Variants in SH3D21 observed in about 807,000 individuals in gnomAD.
SH3D21 encodes the protein manchette microtubule inner protein 1.
SH3D21 carries 83 observed loss-of-function variants against 82.1 expected under a neutral mutation model. That is an observed-to-expected ratio of 1.01 (90% CI 0.85 to 1.21). The LOEUF (loss-of-function observed/expected upper bound fraction) is 1.21, where lower values mean the gene tolerates loss of function less well. SH3D21 is among the 50% of genes most tolerant of loss of function. The pLI is 0.00. For synonymous variants in SH3D21, 383 were observed against 387.8 expected (o/e 0.99, Z 0.15); for missense variants, 980 against 962.1 (o/e 1.02, Z -0.25).
chr1:36,317,019 T>G (rs1373058182), intron 10 of SH3D21, among the ~76,000 whole-genome samples: 2 of 152,146 alleles, frequency 1.3e-5, no homozygotes, highest in African/African-American at 4.8e-5. Context: ...TTAAGTCCAA[T>G]GGTGCCTCAA....
Position 36,309,535 on chromosome 1 carries a change from C to A in SH3D21, c.727-13C>A, listed in dbSNP as rs761818390. The A allele has an allele frequency of 3.9e-6, 6 of 1,551,346 alleles. No individual in the cohort carries two copies. The highest frequency in any genetic ancestry group is 5.2e-6 in the Non-Finnish European group (6 of 1,146,858). ...GATTAAGGATGCTCAACCTTTACTT[C>A]TTTTCGGCATAGATCAAGAAGCTGG... is the stretch of plus-strand genomic sequence containing the variant. On this transcript the variant is annotated splice_polypyrimidine_tract_variant and intron_variant, in intron 9 of 15. Coordinates refer to ENST00000453908, the MANE Select transcript of SH3D21 (RefSeq NM_001162530.2).
At position 36,309,603 on chromosome 1, in the gene SH3D21, G is replaced by C. The variant is rs1646197779; in HGVS notation, c.769+13G>C. 6.4e-7 allele frequency: 1 copy of C among 1,551,492 alleles called. No homozygotes were observed. The highest frequency in any genetic ancestry group is 1.4e-5 in the African/African-American group (1 of 73,042). The stretch of plus-strand genomic sequence containing the variant: ...TCTCGGGAATCAGGTGAGTGCCCGG[G>C]GAGCCTGGGATTGGGGGGTGTTCTC... On this transcript the variant is annotated intron_variant, in intron 10 of 15. Coordinates refer to ENST00000453908, the MANE Select transcript of SH3D21 (RefSeq NM_001162530.2).
chr1:36,306,529 G>C lies in SH3D21; in HGVS notation c.5-69G>C. On this transcript the variant is annotated intron_variant, in intron 1 of 15. Transcript: ENST00000453908. The surrounding 1 kb of genome is among the most constrained non-coding windows in gnomAD (Gnocchi z 4.5). Reference sequence around the variant, plus strand: ...TGCCCTCTACGGTGCTTGGGGACACGCCCGCCCTAGCCAGGCTGCCCGGCT... The same window carrying C: ...TGCCCTCTACGGTGCTTGGGGACACCCCCGCCCTAGCCAGGCTGCCCGGCT... 1 of 1,302,728 alleles carries C rather than the reference G, an allele frequency of 7.7e-7. No individual in the cohort carries two copies. Among genetic ancestry groups the C allele is most frequent in the Non-Finnish European group, 1.0e-6 (1 of 987,970 alleles). 80.7% of individuals were successfully genotyped at this position (1,302,728 alleles called of 1,614,324 possible). A position where few individuals can be genotyped will look rare whatever the true frequency, so the allele number is the denominator to read the frequency against.
In SH3D21 at chr1:36,320,064, C is replaced by A. The variant is rs1400967633; in HGVS notation, c.1401C>A (p.Val467=). 3.7e-6 allele frequency: 6 copies of A among 1,614,066 alleles called. No homozygotes were observed. Among genetic ancestry groups the A allele is most frequent in the East Asian group, 2.2e-5 (1 of 44,878 alleles). ...PALEAPPMDK[V]PNPKMAPLGD... The stretch of plus-strand genomic sequence containing the variant: ...TAGAAGCCCCACCTATGGATAAAGT[C>A]CCTAATCCAAAGATGGCCCCTCTGG... Residue 467 remains valine, a synonymous_variant, in exon 14 of 16, where the codon GTC becomes GTA. Transcript: ENST00000453908.
chr1:36,327,600 T>A (rs547230403), downstream of SH3D21: 178 of 1,100,008 alleles, frequency 1.6e-4, no homozygotes, highest in Non-Finnish European at 2.0e-4. Flanking sequence ...ATGTGACATA[T>A]GTGTTTGGAG....
intron 10 of SH3D21, among the ~76,000 whole-genome samples, chr1:36,315,858 TAA>T: frequency 6.6e-6 from 1 of 152,374 alleles, no homozygotes; most frequent in South Asian, 2.1e-4. Flanking sequence ...CCTGTACCAG[TAA>T]CATAAGCAAT....
downstream of SH3D21, chr1:36,323,349 T>G: frequency 3.1e-6 from 1 of 323,464 alleles, no homozygotes; most frequent in Non-Finnish European, 5.7e-6. Flanking sequence ...GGATGGAGGA[T>G]AGGGACGCTG....
intron 10 of SH3D21, among the ~76,000 whole-genome samples, 196 bp from the exon 11 acceptor site, chr1:36,318,875 C>T (rs894585834): frequency 2.7e-5 from 4 of 149,154 alleles, no homozygotes; most frequent in Non-Finnish European, 5.9e-5. Flanking sequence ...CACCACTGGG[C>T]GACAGAAGCA....
At chr1:36,328,517 T>G, downstream of SH3D21, 1 of 242,870 alleles carries the variant, frequency 4.1e-6, no homozygotes. Context: ...ACGTCTGTAA[T>G]CCCAGCACTT....
intron 10 of SH3D21, among the ~76,000 whole-genome samples, chr1:36,316,024 T>G (rs1270392247): frequency 6.6e-6 from 1 of 152,246 alleles, no homozygotes; most frequent in Non-Finnish European, 1.5e-5. Flanking sequence ...CTTCTTCAAA[T>G]GTTTTATACG....
Position 36,307,398 on chromosome 1 carries a change from G to A in SH3D21, c.345+113G>A. On this transcript the variant is annotated intron_variant, in intron 4 of 15. Coordinates refer to ENST00000453908, the MANE Select transcript of SH3D21 (RefSeq NM_001162530.2). This position sits in a 1 kb window ranked among gnomAD's most constrained non-coding sequence, Gnocchi z 5.4. ...GTGGGAATGGCGACGGTGCAGATAC[G>A]GGGAAGCGCGGGAGGGAAGGAGGGA... 1.1e-5 allele frequency: 17 copies of A among 1,506,138 alleles called. No individual in the cohort carries two copies. Among genetic ancestry groups the A allele is most frequent in the East Asian group, 7.4e-5 (3 of 40,420 alleles). 93.3% of individuals were successfully genotyped at this position (1,506,138 alleles called of 1,614,324 possible).
chr1:36,307,121 G>A lies in SH3D21; in HGVS notation c.227-46G>A, dbSNP rs775676567. ...GCCTTGCGCTTCCCCCAGCTCCTCT[G>A]ACTGGGGCGTCCGACTGGAGCTCAG... On this transcript the variant is annotated intron_variant, in intron 3 of 15. Transcript: ENST00000453908. This position sits in a 1 kb window ranked among gnomAD's most constrained non-coding sequence, Gnocchi z 5.4. 3 of 1,549,192 alleles carry A rather than the reference G, an allele frequency of 1.9e-6. No homozygotes were observed. The highest frequency in any genetic ancestry group is 2.7e-5 in the African/African-American group (2 of 73,016).
Position 36,306,391 on chromosome 1 carries a change from T to C in SH3D21, c.-30T>C. ...CCAGTACTCGGCCGTCAGAGGGAGC[T>C]GCCAGGCTCTGGAGGGCGCCCCGGA... On this transcript the variant is annotated 5_prime_UTR_variant, in exon 1 of 16. Coordinates refer to ENST00000453908, the MANE Select transcript of SH3D21 (RefSeq NM_001162530.2). The surrounding 1 kb of genome is among the most constrained non-coding windows in gnomAD (Gnocchi z 4.5). 7.7e-7 allele frequency: 1 copy of C among 1,305,370 alleles called. No homozygotes were observed. Among genetic ancestry groups the C allele is most frequent in the Non-Finnish European group, 1.0e-6 (1 of 988,954 alleles). The allele number at this position is 1,305,370 out of a possible 1,614,324, so 80.9% of individuals were successfully genotyped here.
chr1:36,319,864 A>T lies in SH3D21; in HGVS notation c.1201A>T (p.Asn401Tyr), dbSNP rs762104158. ...AGGGGACAAGGCCTCTATCCCAGGG[A>T]ACTCCACCTCGGGGAAGATCCCAGC... ...TLGDKASIPG[N>Y]STSGKIPAPD... Residue 401 changes from asparagine (N) to tyrosine (Y), a missense_variant, in exon 14 of 16, where the codon AAC becomes TAC. Transcript: ENST00000453908. The T allele has an allele frequency of 1.2e-6, 2 of 1,613,824 alleles. No homozygotes were observed. Among genetic ancestry groups the T allele is most frequent in the Non-Finnish European group, 1.7e-6 (2 of 1,179,928 alleles).
rs1288479669 is a variant in SH3D21, at chr1:36,320,400, C to G, written c.1737C>G (p.Pro579=). 2.5e-6 allele frequency: 4 copies of G among 1,613,522 alleles called. No homozygotes were observed. Among genetic ancestry groups the G allele is most frequent in the Non-Finnish European group, 3.4e-6 (4 of 1,179,956 alleles). ...GPASRPALEK[P]HPHEEATTLP... ...CATCCAGGCCTGCCCTTGAGAAGCC[C>G]CACCCCCACGAAGAGGCTACAACCC... The change falls in exon 14 of 16, where the codon CCC becomes CCG. Residue 579 remains proline (P), a synonymous_variant. Transcript: ENST00000453908.
At chr1:36,314,413 A>G (rs1243397883) in intron 10 of SH3D21, among the ~76,000 whole-genome samples, 2 of 151,594 alleles carry the variant, frequency 1.3e-5, no homozygotes, top group Non-Finnish European at 1.5e-5. Flanking sequence ...AAAAGTCCCT[A>G]ATCATATATA....
downstream of SH3D21, chr1:36,328,219 A>T (rs187854486): frequency 3.8e-4 from 167 of 440,394 alleles, no homozygotes; most frequent in African/African-American, 3.0e-3. Flanking sequence ...AGCCTATGGG[A>T]GGGGACTTGT....
Position 36,306,662 on chromosome 1 carries a change from C to T in SH3D21, c.69C>T (p.Asp23=). 9.2e-6 allele frequency: 12 copies of T among 1,299,948 alleles called. No individual in the cohort carries two copies. Among genetic ancestry groups the T allele is most frequent in the Non-Finnish European group, 1.1e-5 (11 of 988,394 alleles). 80.5% of individuals were successfully genotyped at this position (1,299,948 alleles called of 1,614,324 possible). Reference sequence around the variant, plus strand: ...ACGAGCTGAGTCTGGCGCCCGGGGACGTGGTCCGGCAGGTGCGCTGGGTGC... The same window carrying T: ...ACGAGCTGAGTCTGGCGCCCGGGGATGTGGTCCGGCAGGTGCGCTGGGTGC... ...KEDELSLAPG[D]VVRQVRWVPA... Residue 23 remains aspartate (D), a synonymous_variant, in exon 2 of 16, where the codon GAC becomes GAT. Coordinates refer to ENST00000453908, the MANE Select transcript of SH3D21 (RefSeq NM_001162530.2). This position sits in a 1 kb window ranked among gnomAD's most constrained non-coding sequence, Gnocchi z 4.5.
At chr1:36,326,280 G>A (rs1263435802), downstream of SH3D21, among the ~76,000 whole-genome samples, 3 of 150,800 alleles carry the variant, frequency 2.0e-5, no homozygotes, top group African/African-American at 4.9e-5. Flanking sequence ...TGCCCAGGCT[G>A]GAGTACAAAG....
Sources: allele counts gnomAD v4.1 joint callset (sites outside exome capture counted in the v4.1 genomes callset), GRCh38; gene constraint gnomAD v4.1.1; non-coding constraint Gnocchi (gnomAD v3.1); transcripts MANE v1.5; gene names NCBI Gene and HGNC (gene_info 2026-07-23, HGNC 2026-07-21).